Variants in CBX2 observed in about 807,000 individuals in gnomAD.
CBX2 encodes the protein chromobox 2.
CBX2 carries 11 observed loss-of-function variants against 21.0 expected under a neutral mutation model. The observed-to-expected ratio is 0.52, with a 90% CI of 0.33 to 0.87. The LOEUF (loss-of-function observed/expected upper bound fraction) is 0.87. CBX2 is among the 40% of genes least tolerant of loss of function. The pLI, the probability that CBX2 is intolerant of heterozygous loss-of-function variation, is 0.02. For synonymous variants in CBX2, 364 were observed against 304.6 expected (o/e 1.19, Z -2.03); for missense variants, 746 against 724.3 (o/e 1.03, Z -0.34).
At chr17:79,778,126 C>T, upstream of CBX2, 4 of 366,148 alleles carry the variant, frequency 1.1e-5, no homozygotes, top group Non-Finnish European at 1.5e-5. This position sits in a 1 kb window ranked among gnomAD's most constrained non-coding sequence, Gnocchi z 4.8. Flanking sequence ...GTGCGCGGGG[C>T]GGGCCGGCGC....
intron 3 of CBX2, among the ~76,000 whole-genome samples, chr17:79,780,186 C>T (rs1472350024): frequency 2.6e-5 from 4 of 152,214 alleles, no homozygotes; most frequent in African/African-American, 7.2e-5. Flanking sequence ...ACTGACGGCT[C>T]CCCCTGGATC....
Position 79,778,186 on chromosome 17 carries a change from G to C in CBX2, c.-50G>C. 1 of 1,161,090 alleles carries C rather than the reference G, an allele frequency of 8.6e-7. No homozygotes were observed. Among genetic ancestry groups the C allele is most frequent in the East Asian group, 3.6e-5 (1 of 27,754 alleles). The allele number at this position is 1,161,090 out of a possible 1,614,324, so 71.9% of individuals were successfully genotyped here. A position where few individuals can be genotyped will look rare whatever the true frequency, so the allele number is the denominator to read the frequency against. ...CTGCCGGCGGGGCGCGCGGCGGTCC[G>C]GGCGGGTGACTGGCGGCGGGCGCCG... On this transcript the variant is annotated 5_prime_UTR_variant, in exon 1 of 5. Transcript: ENST00000310942. The surrounding 1 kb of genome is among the most constrained non-coding windows in gnomAD (Gnocchi z 4.8).
chr17:79,778,165 C>T lies in CBX2; in HGVS notation c.-71C>T, dbSNP rs1268663113. Reference sequence around the variant, plus strand: ...GCGGGGGCGGTGCTTTGTGTGCTGCCGGCGGGGCGCGCGGCGGTCCGGGCG... The same window carrying T: ...GCGGGGGCGGTGCTTTGTGTGCTGCTGGCGGGGCGCGCGGCGGTCCGGGCG... On this transcript the variant is annotated 5_prime_UTR_variant, in exon 1 of 5. Transcript: ENST00000310942. This position sits in a 1 kb window ranked among gnomAD's most constrained non-coding sequence, Gnocchi z 4.8. The T allele has an allele frequency of 8.3e-5, 76 of 916,114 alleles. No individual in the cohort carries two copies. Among genetic ancestry groups the T allele is most frequent in the African/African-American group, 5.2e-4 (29 of 55,754 alleles). The allele number at this position is 916,114 out of a possible 1,614,324, so 56.7% of individuals were successfully genotyped here.
chr17:79,782,455 G>A (rs1907301721), intron 4 of CBX2: 2 of 1,270,136 alleles, frequency 1.6e-6, no homozygotes, highest in Admixed American at 3.4e-5. Context: ...GACAGGTGAG[G>A]CAGGACAGGA....
rs1907555461 is a variant in CBX2 at position 79,785,251 on chromosome 17, G to A, written c.*209G>A. On this transcript the variant is annotated 3_prime_UTR_variant, in exon 5 of 5. Transcript: ENST00000310942. ...GGCAGGGGGCCTCACTGCCTTGTTG[G>A]TCTCCACCTTGTTCCTACCTCTGCA... 11 of 607,386 alleles carry A rather than the reference G, an allele frequency of 1.8e-5. No individual in the cohort carries two copies. Among genetic ancestry groups the A allele is most frequent in the Non-Finnish European group, 8.8e-6 (3 of 340,568 alleles). 37.6% of individuals were successfully genotyped at this position (607,386 alleles called of 1,614,324 possible).
Position 79,781,776 on chromosome 17 carries a change from C to A in CBX2, c.263C>A (p.Ser88Tyr), listed in dbSNP as rs781886206. ...GRPRKLTAMS[S>Y]CSRRSKLKEP... ...CCAAGGAAGCTCACTGCCATGTCCT[C>A]CTGCAGCCGGCGCTCCAAGCTCAAG... Residue 88 changes from serine (S) to tyrosine (Y), a missense_variant, in exon 4 of 5, where the codon TCC (serine) becomes TAC (tyrosine). Ser to Tyr is a moderately radical substitution (Grantham distance 144). Coordinates refer to ENST00000310942, the MANE Select transcript of CBX2 (RefSeq NM_005189.3). 6.2e-7 allele frequency: 1 copy of A among 1,614,118 alleles called. No individual in the cohort carries two copies. Among genetic ancestry groups the A allele is most frequent in the Non-Finnish European group, 8.5e-7 (1 of 1,180,012 alleles).
At chr17:79,782,515 C>A in intron 4 of CBX2, 1 of 1,171,730 alleles carries the variant, frequency 8.5e-7, no homozygotes, top group Middle Eastern at 3.8e-4. Flanking sequence ...TGATTCCCTC[C>A]TCCGGGCACT....
intron 3 of CBX2, chr17:79,779,833 C>T (rs1009982051): frequency 8.9e-5 from 26 of 293,018 alleles, no homozygotes; most frequent in African/African-American, 5.0e-4. Context: ...CCCTTCCAGC[C>T]CTGCACGCGT....
intron 4 of CBX2, chr17:79,782,277 G>A: frequency 6.5e-7 from 1 of 1,544,326 alleles, no homozygotes; most frequent in Non-Finnish European, 8.7e-7. Flanking sequence ...ATAGCCAGGG[G>A]GTGCCAGGAG....
In CBX2 at chr17:79,784,846, A is replaced by G; in HGVS notation, c.1403A>G (p.Asp468Gly). 1 of 1,612,596 alleles carries G rather than the reference A, an allele frequency of 6.2e-7. No homozygotes were observed. The highest frequency in any genetic ancestry group is 1.1e-5 in the South Asian group (1 of 91,004). The part of the protein sequence containing the change: ...MSAGEESSSS[D>G]SDPDSASPPS... ...GCAGGTGAGGAGAGTAGCAGCTCGGACTCCGACCCCGACTCCGCCTCGCCG... is the reference window on the plus strand; with the variant it reads ...GCAGGTGAGGAGAGTAGCAGCTCGGGCTCCGACCCCGACTCCGCCTCGCCG... The change falls in exon 5 of 5, where the codon GAC becomes GGC. Residue 468 changes from aspartate to glycine, a missense_variant. Physicochemically the swap from Asp to Gly is moderately conservative, Grantham distance 94. Around this residue, in one of 2 missense-constraint regions of CBX2, gnomAD observed 701 missense variants for 650.7 expected, o/e 1.08. Transcript: ENST00000310942. This position sits in a 1 kb window ranked among gnomAD's most constrained non-coding sequence, Gnocchi z 5.9.
chr17:79,778,365 C>G lies in CBX2; in HGVS notation c.73-19C>G, dbSNP rs782758340. 7 of 1,584,378 alleles carry G rather than the reference C, an allele frequency of 4.4e-6. No homozygotes were observed. Among genetic ancestry groups the G allele is most frequent in the Non-Finnish European group, 4.3e-6 (5 of 1,170,350 alleles). ...GCCCGCTGTCCGTCTGGCTCACGGC[C>G]CCTCTTCTCTCCCCGCAGGGCAAGC... On this transcript the variant is annotated intron_variant, in intron 1 of 4. Transcript: ENST00000310942. The surrounding 1 kb of genome is among the most constrained non-coding windows in gnomAD (Gnocchi z 4.8).
rs890466631 is a variant in CBX2 at position 79,784,533 on chromosome 17, G to A, written c.1090G>A (p.Gly364Ser). ...QVLDLQSVKN[G>S]MPGVGLLARH... ...CTTGGACTTGCAGAGTGTCAAGAAT[G>A]GCATGCCCGGGGTGGGTCTCCTTGC... Residue 364 changes from glycine to serine, a missense_variant, in exon 5 of 5, where the codon GGC becomes AGC. Transcript: ENST00000310942. This position sits in a 1 kb window ranked among gnomAD's most constrained non-coding sequence, Gnocchi z 5.9. The A allele has an allele frequency of 6.2e-7, 1 of 1,612,708 alleles. No homozygotes were observed. The highest frequency in any genetic ancestry group is 1.7e-5 in the Admixed American group (1 of 60,030).
In CBX2 at chr17:79,785,197, C is replaced by T. The variant is rs1907551530; in HGVS notation, c.*155C>T. The stretch of plus-strand genomic sequence containing the variant: ...ATGGGCAGGCTTGGAAGGGACTTCT[C>T]CCGCACCCCACTCTGTCCCAGGACA... On this transcript the variant is annotated 3_prime_UTR_variant, in exon 5 of 5. Transcript: ENST00000310942. The T allele has an allele frequency of 3.0e-6, 2 of 672,464 alleles. No homozygotes were observed. Among genetic ancestry groups the T allele is most frequent in the Non-Finnish European group, 5.3e-6 (2 of 380,086 alleles). The allele number at this position is 672,464 out of a possible 1,614,324, so 41.7% of individuals were successfully genotyped here. A position where few individuals can be genotyped will look rare whatever the true frequency, so the allele number is the denominator to read the frequency against.
chr17:79,781,028 A>G (rs1907145462), intron 3 of CBX2, among the ~76,000 whole-genome samples: 1 of 146,290 alleles, frequency 6.8e-6, no homozygotes, highest in African/African-American at 2.5e-5. Context: ...CTAGCACTTC[A>G]TGACCCTGGA....
chr17:79,781,926 T>G (rs1555830410), intron 4 of CBX2, 125 bp downstream of exon 4: 1 of 1,614,152 alleles, frequency 6.2e-7, no homozygotes, highest in African/African-American at 1.3e-5. Context: ...TCTGTCCCTC[T>G]ACTCGGAAAA....
At chr17:79,783,653 AC>A in intron 4 of CBX2, 78 bp from the exon 5 acceptor site, 1 of 1,265,696 alleles carries the variant, frequency 7.9e-7, no homozygotes, top group East Asian at 2.5e-5. Context: ...CAGGTGATCC[AC>A]CCGCTTCGGC....
chr17:79,778,916 C>A lies in CBX2; in HGVS notation c.117-446C>A, dbSNP rs1555829640. ...CTTCCCGGACCCCGCTCTTTCTTCG[C>A]TACCCCTCGAGGTGCCCCGGCCCGC... is the stretch of plus-strand genomic sequence containing the variant. On this transcript the variant is annotated intron_variant, in intron 2 of 4. Transcript: ENST00000310942. The surrounding 1 kb of genome is among the most constrained non-coding windows in gnomAD (Gnocchi z 4.8). Among the ~76,000 whole-genome samples the A allele has an allele frequency of 6.6e-6, 1 of 152,190 alleles. No homozygotes were observed. The highest frequency in any genetic ancestry group is 1.5e-5 in the Non-Finnish European group (1 of 68,026).
In CBX2 at chr17:79,784,918, A is replaced by C. The variant is rs1555831436; in HGVS notation, c.1475A>C (p.Asp492Ala). 3 of 1,613,444 alleles carry C rather than the reference A, an allele frequency of 1.9e-6. No individual in the cohort carries two copies. Residue 492 changes from aspartate to alanine, a missense_variant, in exon 5 of 5, where the codon GAC (aspartate) becomes GCC (alanine). Physicochemically the swap from Asp to Ala is moderately radical, Grantham distance 126. Around this residue, in one of 2 missense-constraint regions of CBX2, gnomAD observed 701 missense variants for 650.7 expected, o/e 1.08. Transcript: ENST00000310942. The surrounding 1 kb of genome is among the most constrained non-coding windows in gnomAD (Gnocchi z 5.9). ...NPSVSVQTSQ[D>A]WKPTRSLIEH... ...TCAGTGTCCGTTCAGACCAGCCAGGACTGGAAGCCCACCCGCAGCCTCATC... is the reference window on the plus strand; with the variant it reads ...TCAGTGTCCGTTCAGACCAGCCAGGCCTGGAAGCCCACCCGCAGCCTCATC...
chr17:79,782,181 C>G (rs782337813), intron 4 of CBX2: 5 of 1,612,136 alleles, frequency 3.1e-6, no homozygotes, highest in Non-Finnish European at 8.5e-7. Flanking sequence ...GGATGTGACT[C>G]AAAAGCCTAA....
Sources: gnomAD v4.1 joint callset for allele counts (sites outside exome capture counted in the v4.1 genomes callset) on GRCh38, gnomAD v4.1.1 for gene constraint, gnomAD v4.1.1 regional missense constraint, Gnocchi (gnomAD v3.1) non-coding constraint, MANE v1.5 for transcripts, NCBI Gene and HGNC (gene_info 2026-07-23, HGNC 2026-07-21) for gene names.